Variants in MID1 observed in about 807,000 individuals in gnomAD.
MID1 encodes midline 1.
Under a neutral mutation model 40.4 loss-of-function variants are expected in MID1, and 7 were observed. The observed-to-expected ratio is 0.17, with a 90% CI of 0.10 to 0.33. The LOEUF is 0.33. MID1 is among the 10% of genes least tolerant of loss of function. The pLI, the probability that MID1 is intolerant of heterozygous loss-of-function variation, is 1.00. For synonymous variants in MID1, 229 were observed against 221.2 expected, an observed-to-expected ratio of 1.04 and a Z score of -0.31; for missense variants, 367 against 558.5, an observed-to-expected ratio of 0.66 and a Z score of 3.46.
intron 1 of MID1, among the ~76,000 whole-genome samples, chrX:10,777,942 A>G (rs1453034457): frequency 1.8e-5 from 2 of 111,816 alleles, no homozygotes; most frequent in Non-Finnish European, 3.8e-5. Flanking sequence ...AGGTCTTCAG[A>G]GGCAATAACA....
chrX:10,520,607 A>G (rs1234157449), intron 3 of MID1, among the ~76,000 whole-genome samples: 1 of 112,318 alleles, frequency 8.9e-6, no homozygotes, highest in Non-Finnish European at 1.9e-5. Context: ...TTACTGTCAA[A>G]ATTTTTAAAT....
At chrX:10,627,723 A>G (rs1431160972) in intron 1 of MID1, among the ~76,000 whole-genome samples, 2 of 112,195 alleles carry the variant, frequency 1.8e-5, no homozygotes, top group African/African-American at 6.5e-5. Context: ...AATTAGTCTT[A>G]GAGATTAAAA....
chrX:10,542,285 T>C (rs1933501563), intron 2 of MID1, among the ~76,000 whole-genome samples: 1 of 111,871 alleles, frequency 8.9e-6, no homozygotes, highest in Non-Finnish European at 1.9e-5. Flanking sequence ...CCAAAACAAT[T>C]ATAAAAATAA....
At chrX:10,730,090 A>C (rs898383287) in intron 1 of MID1, among the ~76,000 whole-genome samples, 2 of 108,424 alleles carry the variant, frequency 1.8e-5, no homozygotes, top group African/African-American at 6.7e-5. Context: ...TCTCAAAAAA[A>C]AAAAAATAAA....
intron 1 of MID1, among the ~76,000 whole-genome samples, chrX:10,779,568 G>A (rs2043830682): frequency 8.9e-6 from 1 of 112,206 alleles, no homozygotes; most frequent in Admixed American, 9.5e-5. Context: ...GAGGTCAGTT[G>A]GGAAAAGCTC....
intron 1 of MID1, among the ~76,000 whole-genome samples, chrX:10,789,708 CAT>C (rs1209164937): frequency 8.9e-6 from 1 of 112,077 alleles, no homozygotes; most frequent in Non-Finnish European, 1.9e-5. Context: ...TTAAGTGACA[CAT>C]GACTGTGCAA....
At chrX:10,489,962 TG>T (rs1302186176) in intron 4 of MID1, among the ~76,000 whole-genome samples, 2 of 111,804 alleles carry the variant, frequency 1.8e-5, no homozygotes, top group Non-Finnish European at 3.8e-5. Context: ...CCCAAAGTGC[TG>T]GGATTATAGG....
intron 1 of MID1, among the ~76,000 whole-genome samples, chrX:10,636,039 C>T (rs1449651064): frequency 8.9e-6 from 1 of 111,819 alleles, no homozygotes; most frequent in African/African-American, 3.3e-5. Context: ...TTTGGATTTG[C>T]TTTGTTAGAT....
intron 3 of MID1, among the ~76,000 whole-genome samples, chrX:10,504,354 T>C (rs770815741): frequency 9.0e-6 from 1 of 111,413 alleles, no homozygotes; most frequent in Non-Finnish European, 1.9e-5. Flanking sequence ...GTGTCAAGAT[T>C]GAGAACCCCT....
chrX:10,782,561 G>A (rs2043854465), intron 1 of MID1, among the ~76,000 whole-genome samples: 1 of 111,591 alleles, frequency 9.0e-6, no homozygotes, highest in Admixed American at 9.5e-5. Context: ...CCCTTGGTAT[G>A]GTTCATGATG....
intron 1 of MID1, among the ~76,000 whole-genome samples, chrX:10,661,102 T>G (rs2147583149): frequency 9.0e-6 from 1 of 111,600 alleles, no homozygotes; most frequent in South Asian, 3.8e-4. Context: ...ACTGTGACAC[T>G]TGAGACTTGA....
intron 1 of MID1, among the ~76,000 whole-genome samples, chrX:10,743,117 G>A (rs752016969): frequency 6.2e-5 from 7 of 112,879 alleles, no homozygotes; most frequent in South Asian, 7.3e-4. Context: ...AACAGACTGC[G>A]TCTAGACAGA....
chrX:10,533,327 GGAAAGAAAGAAAGAAAGAAA>G (rs35811442), intron 2 of MID1, among the ~76,000 whole-genome samples: 7 of 47,819 alleles, frequency 1.5e-4, no homozygotes, highest in African/African-American at 5.2e-4. Flanking sequence ...AAGAAAGAAA[GGAAAGAAAGAAAGAAAGAAA>G]GAAAGAAAGA....
At chrX:10,697,780 A>G (rs980050616) in intron 1 of MID1, among the ~76,000 whole-genome samples, 3 of 111,600 alleles carry the variant, frequency 2.7e-5, no homozygotes, top group Non-Finnish European at 5.6e-5. Flanking sequence ...GGGTTTCTCC[A>G]TGACAGCACC....
intron 3 of MID1, among the ~76,000 whole-genome samples, chrX:10,496,146 A>G (rs1244099106): frequency 3.6e-5 from 4 of 112,659 alleles, no homozygotes; most frequent in South Asian, 7.3e-4. Flanking sequence ...TTCCGTAAGC[A>G]ATGTAGCAAG....
intron 9 of MID1, among the ~76,000 whole-genome samples, chrX:10,451,631 A>G (rs58126310): frequency 0.053 from 5,893 of 111,378 alleles, 365 homozygotes; most frequent in African/African-American, 0.18. Flanking sequence ...GACCCGGTGG[A>G]AGGAAATTGA....
chrX:10,593,536 G>A (rs1480643485), intron 1 of MID1, among the ~76,000 whole-genome samples: 2 of 111,564 alleles, frequency 1.8e-5, no homozygotes, highest in East Asian at 5.6e-4. Flanking sequence ...GAGACCTCTA[G>A]TCTTACATTT....
intron 1 of MID1, among the ~76,000 whole-genome samples, chrX:10,754,409 A>T (rs1243734917): frequency 1.8e-5 from 2 of 110,511 alleles, no homozygotes; most frequent in Non-Finnish European, 3.8e-5. Context: ...TTGTGGGTTC[A>T]AATGTTAGCT....
At chrX:10,608,790 C>A (rs897765024) in intron 1 of MID1, among the ~76,000 whole-genome samples, 6 of 111,949 alleles carry the variant, frequency 5.4e-5, no homozygotes, top group African/African-American at 1.9e-4. Flanking sequence ...CAGCACCATG[C>A]CCTCTAAAAT....
Sources: allele counts gnomAD v4.1 joint callset (sites outside exome capture counted in the v4.1 genomes callset), GRCh38; gene constraint gnomAD v4.1.1; transcripts MANE v1.5; gene names NCBI Gene and HGNC (gene_info 2026-07-23, HGNC 2026-07-21).